Variants in MSRB3 observed in about 807,000 individuals in gnomAD.
MSRB3 encodes methionine-R-sulfoxide reductase B3.
A neutral mutation model predicts 21.0 loss-of-function variants in MSRB3; 13 were observed. That is an observed-to-expected ratio of 0.62 (90% CI 0.40 to 0.98). The LOEUF (loss-of-function observed/expected upper bound fraction) is 0.98, where lower values mean the gene tolerates loss of function less well. MSRB3 is among the 50% of genes least tolerant of loss of function. The pLI, the probability that MSRB3 is intolerant of heterozygous loss-of-function variation, is 0.00. For synonymous variants in MSRB3, 87 were observed against 88.6 expected, an observed-to-expected ratio of 0.98 and a Z score of 0.10; for missense variants, 199 against 230.3, an observed-to-expected ratio of 0.86 and a Z score of 0.88.
chr12:65,446,347 C>T (rs866991882), intron 5 of MSRB3, among the ~76,000 whole-genome samples: 8 of 152,170 alleles, frequency 5.3e-5, no homozygotes, highest in Non-Finnish European at 8.8e-5. Context: ...ACCCATAATC[C>T]GTTTTTAGCC....
chr12:65,382,885 T>C (rs2136561993), intron 5 of MSRB3, among the ~76,000 whole-genome samples: 1 of 152,166 alleles, frequency 6.6e-6, no homozygotes, highest in East Asian at 1.9e-4. Flanking sequence ...TATATGTGTG[T>C]ATATATGGAT....
chr12:65,418,669 CT>C, intron 5 of MSRB3: 1 of 646,184 alleles, frequency 1.5e-6, no homozygotes. Flanking sequence ...TTTTTAACCT[CT>C]GAACTTTTTA....
intron 1 of MSRB3, chr12:65,283,944 A>G (rs1420483122): frequency 2.0e-5 from 3 of 152,214 alleles, no homozygotes; most frequent in South Asian, 2.1e-4. Flanking sequence ...TGAAGAGGGA[A>G]TATACAAATG....
At chr12:65,297,368 G>A (rs888162873) in intron 1 of MSRB3, among the ~76,000 whole-genome samples, 5 of 152,002 alleles carry the variant, frequency 3.3e-5, no homozygotes, top group African/African-American at 4.8e-5. Context: ...CATGTGCCCC[G>A]GAACTTAAAA....
rs150001059 is a variant in MSRB3, at chr12:65,354,235, T to A, written c.264-14763T>A. Among the ~76,000 whole-genome samples the A allele has an allele frequency of 5.4e-3, 814 of 152,134 alleles. 11 individuals are homozygous for A. Among genetic ancestry groups the A allele is most frequent in the African/African-American group, 0.018 (755 of 41,522 alleles). On this transcript the variant is annotated intron_variant, in intron 4 of 6. Coordinates refer to ENST00000308259, the MANE Select transcript of MSRB3 (RefSeq NM_001031679.3). ...TTGCTCTTCTCGAAGAGTATCTTTG[T>A]GGCATTCTCTGTATTTCCTGAATCT...
chr12:65,331,654 G>C (rs2136458014), intron 4 of MSRB3, among the ~76,000 whole-genome samples: 1 of 152,310 alleles, frequency 6.6e-6, no homozygotes, highest in East Asian at 1.9e-4. Flanking sequence ...CTAGCCGCTG[G>C]GTGCTGCTCA....
At chr12:65,331,957 G>A (rs1482975111) in intron 4 of MSRB3, among the ~76,000 whole-genome samples, 2 of 152,222 alleles carry the variant, frequency 1.3e-5, no homozygotes, top group African/African-American at 4.8e-5. Flanking sequence ...TGTTAAGCAA[G>A]CATCCTGAAA....
chr12:65,374,889 G>A (rs556917962), intron 5 of MSRB3, among the ~76,000 whole-genome samples: 1 of 151,984 alleles, frequency 6.6e-6, no homozygotes, highest in South Asian at 2.1e-4. Context: ...TTGCTCTGTC[G>A]CCCAGGCTGG....
rs1883546667 is a variant in MSRB3, at chr12:65,465,834, G to A, written c.*2512G>A. ...AGTCTTTCCCAATCTCACAGAGAAA[G>A]CCCTAGTATTTCCCAGTGACCCCAG... On this transcript the variant is annotated 3_prime_UTR_variant, in exon 7 of 7. Coordinates refer to ENST00000308259, the MANE Select transcript of MSRB3 (RefSeq NM_001031679.3). 1.3e-5 allele frequency: 2 copies of A among 152,218 alleles called. No homozygotes were observed. The highest frequency in any genetic ancestry group is 6.5e-5 in the Admixed American group (1 of 15,278). 9.4% of individuals were successfully genotyped at this position (152,218 alleles called of 1,614,324 possible). A position where few individuals can be genotyped will look rare whatever the true frequency, so the allele number is the denominator to read the frequency against.
intron 5 of MSRB3, among the ~76,000 whole-genome samples, chr12:65,432,247 G>GT (rs1881910764): frequency 6.6e-6 from 1 of 152,086 alleles, no homozygotes; most frequent in African/African-American, 2.4e-5. Flanking sequence ...TGCAGAAAAT[G>GT]TAAGTCCTTG....
chr12:65,351,461 T>C (rs1320287660), intron 4 of MSRB3, among the ~76,000 whole-genome samples: 4 of 143,142 alleles, frequency 2.8e-5, no homozygotes, highest in African/African-American at 1.1e-4. Context: ...ATAACTAAAA[T>C]CAGAGCAGAA....
At position 65,286,715 on chromosome 12, in the gene MSRB3, TA is replaced by T. The variant is rs58254052; in HGVS notation, c.-52+7863del. ...GCCTGTGCTACATGGTAGAATCTATTAAAAAAAAAAAAACACTCAGGCAAGG... is the reference window on the plus strand; with the variant it reads ...GCCTGTGCTACATGGTAGAATCTATTAAAAAAAAAAAACACTCAGGCAAGG... On this transcript the variant is annotated intron_variant, in intron 1 of 6. Coordinates refer to ENST00000308259, the MANE Select transcript of MSRB3 (RefSeq NM_001031679.3). 9.9e-3 allele frequency: 1,376 copies of T among 139,266 alleles called. 17 individuals carry two copies. Among genetic ancestry groups the T allele is most frequent in the African/African-American group, 0.029 (1,114 of 38,610 alleles). The allele number at this position is 139,266 out of a possible 1,614,324, so 8.6% of individuals were successfully genotyped here.
chr12:65,397,478 G>T (rs1471181545), intron 5 of MSRB3, among the ~76,000 whole-genome samples: 3 of 151,894 alleles, frequency 2.0e-5, no homozygotes, highest in Admixed American at 2.0e-4. Context: ...ATTGCCATTG[G>T]TTTTTTCTTT....
At chr12:65,347,193 G>A (rs138621677) in intron 4 of MSRB3, among the ~76,000 whole-genome samples, 109 of 152,202 alleles carry the variant, frequency 7.2e-4, no homozygotes, top group African/African-American at 2.4e-3. Context: ...GCATTTTCAC[G>A]ATATTGATTC....
chr12:65,465,824 C>CA lies in MSRB3; in HGVS notation c.*2503dup, dbSNP rs1883546092. The CA allele has an allele frequency of 6.6e-6, 1 of 152,240 alleles. No individual in the cohort carries two copies. Among genetic ancestry groups the CA allele is most frequent in the Non-Finnish European group, 1.5e-5 (1 of 68,076 alleles). 9.4% of individuals were successfully genotyped at this position (152,240 alleles called of 1,614,324 possible). A position where few individuals can be genotyped will look rare whatever the true frequency, so the allele number is the denominator to read the frequency against. ...CCATCCTAGAAGTCTTTCCCAATCT[C>CA]ACAGAGAAAGCCCTAGTATTTCCCA... On this transcript the variant is annotated 3_prime_UTR_variant, in exon 7 of 7. Coordinates refer to ENST00000308259, the MANE Select transcript of MSRB3 (RefSeq NM_001031679.3).
chr12:65,419,110 G>A (rs889621658), intron 5 of MSRB3: 21 of 685,710 alleles, frequency 3.1e-5, no homozygotes, highest in Admixed American at 3.1e-4. Flanking sequence ...GGACTGGGCT[G>A]TATGTTACAG....
intron 2 of MSRB3, among the ~76,000 whole-genome samples, chr12:65,318,910 C>A (rs984406649): frequency 1.3e-5 from 2 of 152,026 alleles, no homozygotes; most frequent in Non-Finnish European, 2.9e-5. Context: ...AAATTTATAA[C>A]ACAAATGAAA....
In MSRB3 at chr12:65,279,838, T is replaced by G. The variant is rs552699190; in HGVS notation, c.-52+973T>G. 1.4e-4 allele frequency among the ~76,000 whole-genome samples: 21 copies of G among 152,336 alleles called. 1 individual carries two copies. In the South Asian group the frequency reaches 2.1e-3, roughly 15 times the overall value. ...CATGGACTTTTACGTTTGTGATGAG[T>G]AGTCGTCAAAGCTTCTTGCTTCTTA... On this transcript the variant is annotated intron_variant, in intron 1 of 6. Coordinates refer to ENST00000308259, the MANE Select transcript of MSRB3 (RefSeq NM_001031679.3).
intron 2 of MSRB3, among the ~76,000 whole-genome samples, chr12:65,314,751 GA>G (rs1389020544): frequency 6.6e-6 from 1 of 151,886 alleles, no homozygotes; most frequent in East Asian, 1.9e-4. Flanking sequence ...AAATAGGCAT[GA>G]AAAAAACAAT....
Sources: allele counts gnomAD v4.1 joint callset (sites outside exome capture counted in the v4.1 genomes callset), GRCh38; gene constraint gnomAD v4.1.1; transcripts MANE v1.5; gene names NCBI Gene and HGNC (gene_info 2026-07-23, HGNC 2026-07-21).